The following SUN1 variants were observed in gnomAD, a reference collection of about 807,000 sequenced individuals.
SUN1 encodes Sad1 and UNC84 domain containing 1.
Under a neutral mutation model 103.2 loss-of-function variants are expected in SUN1, and 61 were observed. That is an observed-to-expected ratio of 0.59 (90% CI 0.48 to 0.73). The LOEUF is 0.73. Among genes scored for constraint, SUN1 ranks in the 30% least tolerant of loss-of-function variants. The pLI is 0.00. For missense variants in SUN1, 1,052 were observed against 1,034.6 expected (o/e 1.02, Z -0.23); for synonymous variants, 490 against 425.7 (o/e 1.15, Z -1.86).
intron 1 of SUN1, chr7:832,805 G>A: frequency 1.8e-6 from 1 of 543,472 alleles, no homozygotes; most frequent in Non-Finnish European, 3.3e-6. Context: ...TCATCCTGGT[G>A]ACTGGGTGGT....
At chr7:858,597 T>G (rs1266122958) in intron 13 of SUN1, among the ~76,000 whole-genome samples, 1 of 152,184 alleles carries the variant, frequency 6.6e-6, no homozygotes, top group African/African-American at 2.4e-5. Context: ...TTTCATTAGA[T>G]AGACCCACGC....
rs115160317 is a variant in SUN1, at chr7:832,661, G to C, written c.77+60G>C. On this transcript the variant is annotated intron_variant, in intron 1 of 18. Coordinates refer to ENST00000401592, the MANE Select transcript of SUN1 (RefSeq NM_001130965.3). ...GCAATGCCCACTCGCTGTCGCGGTG[G>C]CGTGGACCTTAACAGGAACTCCATA... is the stretch of plus-strand genomic sequence containing the variant. 2.1e-6 allele frequency: 3 copies of C among 1,412,988 alleles called. No individual in the cohort carries two copies. The East Asian group carries it at 7.2e-5, about 34-fold the overall frequency. The allele number at this position is 1,412,988 out of a possible 1,614,324, so 87.5% of individuals were successfully genotyped here. A position where few individuals can be genotyped will look rare whatever the true frequency, so the allele number is the denominator to read the frequency against.
At chr7:862,952 C>G (rs921184970) in intron 15 of SUN1, among the ~76,000 whole-genome samples, 1 of 152,168 alleles carries the variant, frequency 6.6e-6, no homozygotes, top group Non-Finnish European at 1.5e-5. Context: ...GAGATCCTGG[C>G]TGACAGGGTG....
At chr7:855,953 C>T (rs1439206823) in intron 11 of SUN1, among the ~76,000 whole-genome samples, 3 of 152,202 alleles carry the variant, frequency 2.0e-5, no homozygotes, top group African/African-American at 7.2e-5. Flanking sequence ...TGGAGTGAGA[C>T]TTGGGGCTGA....
In SUN1 at chr7:868,423, C is replaced by T. The variant is rs536461536; in HGVS notation, c.1981-926C>T. The T allele has an allele frequency of 1.1e-4, 32 of 281,138 alleles. No individual in the cohort carries two copies. In the East Asian group the frequency reaches 3.8e-3, roughly 33 times the overall value. The allele number at this position is 281,138 out of a possible 1,614,324, so 17.4% of individuals were successfully genotyped here. A position where few individuals can be genotyped will look rare whatever the true frequency, so the allele number is the denominator to read the frequency against. On this transcript the variant is annotated intron_variant, in intron 16 of 18. Transcript: ENST00000401592. ...GTGCTTCTGGGGCTGCAGGCTGCACCGTGGCCGGGTTAGGTTAGAACGTGC... is the reference window on the plus strand; with the variant it reads ...GTGCTTCTGGGGCTGCAGGCTGCACTGTGGCCGGGTTAGGTTAGAACGTGC...
intron 16 of SUN1, among the ~76,000 whole-genome samples, chr7:867,733 C>A (rs529363310): frequency 6.6e-6 from 1 of 152,340 alleles, no homozygotes; most frequent in African/African-American, 2.4e-5. Flanking sequence ...ATAGGGATAG[C>A]AGATATAAGG....
At chr7:848,097 T>C (rs1314572800) in intron 5 of SUN1, among the ~76,000 whole-genome samples, 1 of 142,030 alleles carries the variant, frequency 7.0e-6, no homozygotes, top group African/African-American at 2.7e-5. Context: ...TGGGGGTTAC[T>C]CCGCAGTACC....
At chr7:870,848 G>A (rs543591074) in intron 17 of SUN1, among the ~76,000 whole-genome samples, 26 of 151,826 alleles carry the variant, frequency 1.7e-4, no homozygotes, top group African/African-American at 6.0e-4. Flanking sequence ...CGGCCGAGTC[G>A]GTGCACTGTG....
chr7:849,354 C>T (rs913409031), intron 5 of SUN1, among the ~76,000 whole-genome samples: 1 of 152,220 alleles, frequency 6.6e-6, no homozygotes, highest in African/African-American at 2.4e-5. Flanking sequence ...GTGGCCCGGG[C>T]CCTGTCAGCG....
chr7:836,978 G>A (rs2128251572), intron 1 of SUN1, among the ~76,000 whole-genome samples: 1 of 152,364 alleles, frequency 6.6e-6, no homozygotes. Flanking sequence ...GAAGGCCATT[G>A]AGGGCTGGGC....
intron 16 of SUN1, chr7:868,872 T>A (rs1839303183): frequency 8.8e-6 from 1 of 114,160 alleles, no homozygotes; most frequent in African/African-American, 5.3e-5. Context: ...GTTGGTCGGA[T>A]GGGGGGGCAG....
chr7:839,549 C>CCCAGTTCATTCTTTAGGTCTTTATT lies in SUN1; in HGVS notation c.266+563_266+564insCCAGTTCATTCTTTAGGTCTTTATT, dbSNP rs1399157020. 2.7e-4 allele frequency among the ~76,000 whole-genome samples: 32 copies of CCCAGTTCATTCTTTAGGTCTTTATT among 118,196 alleles called. 1 individual carries two copies. Among genetic ancestry groups the CCCAGTTCATTCTTTAGGTCTTTATT allele is most frequent in the East Asian group, 1.0e-3 (3 of 2,956 alleles). 77.5% of individuals were successfully genotyped at this position (118,196 alleles called of 152,430 possible). A position where few individuals can be genotyped will look rare whatever the true frequency, so the allele number is the denominator to read the frequency against. ...TACAGGCGCCCGCCACCACGCCTGG[C>CCCAGTTCATTCTTTAGGTCTTTATT]AAATTTTCCTTTTTTTTTGAGACAG... On this transcript the variant is annotated intron_variant, in intron 2 of 18. Coordinates refer to ENST00000401592, the MANE Select transcript of SUN1 (RefSeq NM_001130965.3).
intron 1 of SUN1, among the ~76,000 whole-genome samples, chr7:821,375 G>T (rs1785842882): frequency 6.6e-6 from 1 of 151,858 alleles, no homozygotes; most frequent in Non-Finnish European, 1.5e-5. Flanking sequence ...TCACCATGTT[G>T]GTCAGGCTGA....
chr7:842,236 A>T, intron 3 of SUN1, 106 bp downstream of exon 3: 1 of 1,254,910 alleles, frequency 8.0e-7, no homozygotes, highest in Non-Finnish European at 1.1e-6. Context: ...TGCATGGATT[A>T]TGCTAGGGAG....
intron 13 of SUN1, 152 bp from the exon 14 acceptor site, chr7:859,976 T>G: frequency 9.3e-7 from 1 of 1,072,528 alleles, no homozygotes; most frequent in South Asian, 1.7e-5. Context: ...GGAGGGGTTA[T>G]TAAATTTAAT....
intron 12 of SUN1, among the ~76,000 whole-genome samples, chr7:856,917 C>T (rs1204179389): frequency 2.0e-5 from 3 of 152,150 alleles, no homozygotes; most frequent in Non-Finnish European, 4.4e-5. Context: ...CACGGTGGGC[C>T]TCTCCGCGTG....
chr7:850,959 A>G lies in SUN1; in HGVS notation c.659-425A>G, dbSNP rs559155181. Among the ~76,000 whole-genome samples the G allele has an allele frequency of 7.9e-4, 121 of 152,264 alleles. 2 individuals are homozygous for G. In the South Asian group the frequency reaches 0.024, roughly 30 times the overall value. ...TTAGAATAATGTTAGTTTTGGTCTT[A>G]ATTATTTCCTCGCCTAGCACATATG... On this transcript the variant is annotated intron_variant, in intron 5 of 18. Transcript: ENST00000401592.
intron 1 of SUN1, among the ~76,000 whole-genome samples, chr7:824,318 C>G (rs1234501057): frequency 6.6e-6 from 1 of 152,224 alleles, no homozygotes; most frequent in Non-Finnish European, 1.5e-5. Flanking sequence ...ACGGGCTCTG[C>G]AGGAGGAGGA....
rs771316032 is a variant in SUN1, at chr7:849,882, T to A, written c.659-1502T>A. The A allele has an allele frequency of 1.7e-5, 26 of 1,566,046 alleles. No homozygotes were observed. The South Asian group carries it at 3.0e-4, about 18-fold the overall frequency. ...ACGGCTGAGATGGACAGAGTTTGCT[T>A]GTGAATCCGCCACACTCACTGCCTG... On this transcript the variant is annotated intron_variant, in intron 5 of 18. Transcript: ENST00000401592.
Sources: allele counts gnomAD v4.1 joint callset (sites outside exome capture counted in the v4.1 genomes callset), GRCh38; gene constraint gnomAD v4.1.1; transcripts MANE v1.5; gene names NCBI Gene and HGNC (gene_info 2026-07-23, HGNC 2026-07-21).